Variants in NCK2 observed in about 807,000 individuals in gnomAD.
NCK2 encodes NCK adaptor protein 2.
NCK2 carries 16 observed loss-of-function variants against 33.9 expected under a neutral mutation model. The observed-to-expected ratio is 0.47, with a 90% CI of 0.32 to 0.72. NCK2 has a LOEUF of 0.72. Among genes scored for constraint, NCK2 ranks in the 30% least tolerant of loss-of-function variants. The pLI is 0.03. For missense variants in NCK2, 418 were observed against 537.3 expected (o/e 0.78, Z 2.19); for synonymous variants, 273 against 239.9 (o/e 1.14, Z -1.27).
intron 1 of NCK2, among the ~76,000 whole-genome samples, chr2:105,759,853 T>G (rs1226107072): frequency 6.6e-6 from 1 of 152,022 alleles, no homozygotes; most frequent in African/African-American, 2.4e-5. Flanking sequence ...CAGTTGAGAG[T>G]TGTCAGATGT....
At chr2:105,890,151 G>C (rs3769493) in intron 4 of NCK2, among the ~76,000 whole-genome samples, 13,332 of 152,066 alleles carry the variant, frequency 0.088, 738 homozygotes, top group East Asian at 0.28. Context: ...ACTTTTAAAG[G>C]TTTCTGCTCA....
At chr2:105,880,025 T>C (rs772160435) in intron 3 of NCK2, among the ~76,000 whole-genome samples, 3 of 152,212 alleles carry the variant, frequency 2.0e-5, no homozygotes, top group Non-Finnish European at 4.4e-5. Flanking sequence ...TGTCCCCAGC[T>C]CTGGGGCTGA....
intron 2 of NCK2, among the ~76,000 whole-genome samples, chr2:105,820,400 G>T (rs1558853600): frequency 1.3e-5 from 2 of 152,188 alleles, no homozygotes; most frequent in East Asian, 3.8e-4. Flanking sequence ...CCAGTTATTG[G>T]ACACTCAAGG....
intron 2 of NCK2, among the ~76,000 whole-genome samples, chr2:105,842,841 T>C (rs114445626): frequency 0.014 from 2,080 of 149,706 alleles, 44 homozygotes; most frequent in African/African-American, 0.048. Context: ...GGAATGAGTT[T>C]TCAGGGGGGT....
At chr2:105,772,303 G>A (rs957640204) in intron 1 of NCK2, among the ~76,000 whole-genome samples, 1 of 152,084 alleles carries the variant, frequency 6.6e-6, no homozygotes, top group Non-Finnish European at 1.5e-5. Flanking sequence ...CCAAAGGAGA[G>A]CCTTCTGCCC....
chr2:105,800,804 C>T (rs1471572263), intron 1 of NCK2, among the ~76,000 whole-genome samples: 2 of 152,044 alleles, frequency 1.3e-5, no homozygotes, highest in Non-Finnish European at 2.9e-5. Flanking sequence ...GAACAAATGT[C>T]GTGAAGAAGG....
At chr2:105,761,099 G>A (rs1689750748) in intron 1 of NCK2, among the ~76,000 whole-genome samples, 1 of 152,152 alleles carries the variant, frequency 6.6e-6, no homozygotes, top group African/African-American at 2.4e-5. Context: ...TCATAGATGG[G>A]GGCCAGAGTC....
At chr2:105,817,531 A>G (rs1038979105) in intron 2 of NCK2, among the ~76,000 whole-genome samples, 2 of 152,230 alleles carry the variant, frequency 1.3e-5, no homozygotes, top group Admixed American at 6.5e-5. Flanking sequence ...ATGAACTGCA[A>G]GAATAACACT....
intron 3 of NCK2, among the ~76,000 whole-genome samples, chr2:105,868,112 C>G (rs781115104): frequency 3.3e-5 from 5 of 152,210 alleles, no homozygotes; most frequent in Non-Finnish European, 7.3e-5. Flanking sequence ...ATCTGTAGGG[C>G]TCCTGCATGG....
At chr2:105,829,629 G>T (rs895334765) in intron 2 of NCK2, among the ~76,000 whole-genome samples, 2 of 152,110 alleles carry the variant, frequency 1.3e-5, no homozygotes, top group African/African-American at 2.4e-5. Context: ...ATTGAGAGTT[G>T]TCTGATGATT....
At chr2:105,786,974 C>A in intron 1 of NCK2, among the ~76,000 whole-genome samples, 1 of 152,246 alleles carries the variant, frequency 6.6e-6, no homozygotes, top group East Asian at 1.9e-4. Flanking sequence ...TGGCGTGGTG[C>A]CGCACAGGTG....
At position 105,855,105 on chromosome 2, in the gene NCK2, C is replaced by T. The variant is rs762382562; in HGVS notation, c.42C>T (p.Thr14=). 17 of 1,613,990 alleles carry T rather than the reference C, an allele frequency of 1.1e-5. No homozygotes were observed. In the East Asian group the frequency reaches 2.2e-4, roughly 21 times the overall value. The change falls in exon 3 of 5, where the codon ACC becomes ACT. Residue 14 remains threonine (T), a synonymous_variant. Transcript: ENST00000233154. ...EVIVIAKWDY[T]AQQDQELDIK... ...TTGTGATAGCCAAGTGGGACTACACCGCCCAGCAGGACCAGGAGCTGGACA... is the reference window on the plus strand; with the variant it reads ...TTGTGATAGCCAAGTGGGACTACACTGCCCAGCAGGACCAGGAGCTGGACA...
At chr2:105,817,883 G>A (rs961895326) in intron 2 of NCK2, among the ~76,000 whole-genome samples, 4 of 152,062 alleles carry the variant, frequency 2.6e-5, no homozygotes, top group Non-Finnish European at 5.9e-5. Flanking sequence ...ATTCCTCAGG[G>A]ATCTAGAACT....
chr2:105,754,459 G>T (rs1484756069), intron 1 of NCK2, among the ~76,000 whole-genome samples: 2 of 152,186 alleles, frequency 1.3e-5, no homozygotes, highest in Non-Finnish European at 2.9e-5. Flanking sequence ...TTGGTTGCGT[G>T]TTTAAGGATG....
rs576144055 is a variant in NCK2, at chr2:105,794,166, A to T, written c.-200-22264A>T. Among the ~76,000 whole-genome samples the T allele has an allele frequency of 2.0e-5, 3 of 149,454 alleles. No homozygotes were observed. The East Asian group carries it at 6.0e-4, about 30-fold the overall frequency. ...CAGGTTCTAGTGATTCTCCTGCTTC[A>T]GCCTCCCAAGTAGCTGGGATTACAG... On this transcript the variant is annotated intron_variant, in intron 1 of 4. Coordinates refer to ENST00000233154, the MANE Select transcript of NCK2 (RefSeq NM_003581.5).
At chr2:105,798,280 C>T (rs1260011432) in intron 1 of NCK2, among the ~76,000 whole-genome samples, 1 of 152,182 alleles carries the variant, frequency 6.6e-6, no homozygotes, top group African/African-American at 2.4e-5. Context: ...GGAAGCCTCC[C>T]TCCTATCCTG....
chr2:105,758,395 TTTGTTTTTG>T (rs1420704103), intron 1 of NCK2, among the ~76,000 whole-genome samples: 1 of 150,724 alleles, frequency 6.6e-6, no homozygotes, highest in Non-Finnish European at 1.5e-5. Flanking sequence ...ATTGTAGATG[TTTGTTTTTG>T]TTGTTTTTGT....
At chr2:105,758,327 T>C (rs375426212) in intron 1 of NCK2, among the ~76,000 whole-genome samples, 1 of 152,190 alleles carries the variant, frequency 6.6e-6, no homozygotes, top group East Asian at 1.9e-4. Context: ...AGGTTTGTTT[T>C]ATCCTATTGA....
chr2:105,868,665 T>C (rs988874185), intron 3 of NCK2, among the ~76,000 whole-genome samples: 2 of 152,252 alleles, frequency 1.3e-5, no homozygotes, highest in South Asian at 2.1e-4. Context: ...GTTGGTTGTG[T>C]GGTGTCCAAG....
Sources: allele counts gnomAD v4.1 joint callset (sites outside exome capture counted in the v4.1 genomes callset), GRCh38; gene constraint gnomAD v4.1.1; transcripts MANE v1.5; gene names NCBI Gene and HGNC (gene_info 2026-07-23, HGNC 2026-07-21).